KLHL1: variants seen among roughly 807,000 people sequenced by gnomAD.
KLHL1 encodes the protein kelch-like protein 1.
A neutral mutation model predicts 77.7 loss-of-function variants in KLHL1; 47 were observed. The ratio of observed to expected loss-of-function variants is 0.60; its 90% CI spans 0.48 to 0.77. The LOEUF is 0.77. KLHL1 is among the 30% of genes least tolerant of loss of function. The probability of loss-of-function intolerance (pLI) is 0.00; values close to 1 mark genes in which losing one functional copy is unlikely to be tolerated. For synonymous variants in KLHL1, 360 were observed against 325.2 expected (o/e 1.11, Z -1.15); for missense variants, 925 against 910.8 (o/e 1.02, Z -0.20).
At chr13:70,072,265 T>C (rs1887154731) in intron 1 of KLHL1, among the ~76,000 whole-genome samples, 1 of 152,136 alleles carries the variant, frequency 6.6e-6, no homozygotes, top group African/African-American at 2.4e-5. Flanking sequence ...TAAATATCTG[T>C]GTAGTTTTTA....
chr13:69,745,915 A>C (rs1388608446), intron 7 of KLHL1, among the ~76,000 whole-genome samples: 2 of 151,734 alleles, frequency 1.3e-5, no homozygotes, highest in African/African-American at 4.8e-5. Context: ...AATTTTTTAG[A>C]TAATTAATAT....
At chr13:69,771,237 A>G (rs1283272539) in intron 7 of KLHL1, among the ~76,000 whole-genome samples, 2 of 151,018 alleles carry the variant, frequency 1.3e-5, no homozygotes, top group Non-Finnish European at 2.9e-5. Context: ...TTCTCTCTCT[A>G]CAACCCATTG....
intron 1 of KLHL1, among the ~76,000 whole-genome samples, chr13:69,986,505 A>G (rs564955436): frequency 6.6e-6 from 1 of 152,172 alleles, no homozygotes; most frequent in Non-Finnish European, 1.5e-5. Context: ...CATCAAGTGA[A>G]TCTAACTCTA....
At chr13:70,061,196 A>G (rs1295521170) in intron 1 of KLHL1, among the ~76,000 whole-genome samples, 1 of 152,188 alleles carries the variant, frequency 6.6e-6, no homozygotes, top group Non-Finnish European at 1.5e-5. Flanking sequence ...CACAGTTTAC[A>G]GTGTAGAATT....
At chr13:70,104,056 A>G (rs1887989188) in intron 1 of KLHL1, among the ~76,000 whole-genome samples, 1 of 152,190 alleles carries the variant, frequency 6.6e-6, no homozygotes, top group Non-Finnish European at 1.5e-5. Flanking sequence ...ACATCACTAT[A>G]AAATGCAAGA....
At chr13:69,812,526 A>G (rs1239666622) in intron 6 of KLHL1, among the ~76,000 whole-genome samples, 1 of 152,196 alleles carries the variant, frequency 6.6e-6, no homozygotes. Flanking sequence ...CTACCATCAG[A>G]GTGAACAGCA....
intron 1 of KLHL1, among the ~76,000 whole-genome samples, chr13:70,002,444 G>C (rs2137327301): frequency 6.6e-6 from 1 of 151,586 alleles, no homozygotes; most frequent in South Asian, 2.1e-4. Flanking sequence ...TAAATGAACG[G>C]AGCCTCAAAA....
rs924033497 is a variant in KLHL1, at chr13:69,789,761, G to A, written c.1639+6977C>T. ...ACTTCTCCTTCCTCACCTTGAAAACGTAAGGCCAATAGTGTGCTTCCAACA... is the reference window on the plus strand; with the variant it reads ...ACTTCTCCTTCCTCACCTTGAAAACATAAGGCCAATAGTGTGCTTCCAACA... On this transcript the variant is annotated intron_variant, in intron 7 of 10. Transcript: ENST00000377844. Among the ~76,000 whole-genome samples the A allele has an allele frequency of 7.2e-5, 11 of 152,076 alleles. No homozygotes were observed. The East Asian group carries it at 1.7e-3, about 24-fold the overall frequency.
chr13:69,851,754 G>A (rs1301718319), intron 5 of KLHL1, among the ~76,000 whole-genome samples: 1 of 151,556 alleles, frequency 6.6e-6, no homozygotes, highest in Non-Finnish European at 1.5e-5. Flanking sequence ...AAGCTCCCAA[G>A]TTATCATTTA....
intron 1 of KLHL1, among the ~76,000 whole-genome samples, chr13:70,001,657 T>TTATCTACC (rs1555289486): frequency 3.4e-5 from 5 of 145,272 alleles, no homozygotes; most frequent in African/African-American, 1.3e-4. Flanking sequence ...TATCTATCTA[T>TTATCTACC]TATCTATCTA....
intron 1 of KLHL1, among the ~76,000 whole-genome samples, chr13:70,086,448 G>T (rs148049156): frequency 1.7e-3 from 251 of 151,230 alleles, no homozygotes; most frequent in African/African-American, 5.8e-3. Context: ...CCTGGCGGTG[G>T]TGGGCACCTG....
chr13:70,086,076 C>G (rs566301674), intron 1 of KLHL1, among the ~76,000 whole-genome samples: 3 of 152,104 alleles, frequency 2.0e-5, no homozygotes, highest in Admixed American at 2.0e-4. Flanking sequence ...TTACTATTCC[C>G]ATCTTATCTA....
At chr13:69,765,777 A>G (rs1875272513) in intron 7 of KLHL1, among the ~76,000 whole-genome samples, 1 of 152,198 alleles carries the variant, frequency 6.6e-6, no homozygotes, top group South Asian at 2.1e-4. Context: ...CCACCCAGGC[A>G]ATGCTACCCT....
rs185574804 is a variant in KLHL1, at chr13:69,824,196, G to T, written c.1414+14780C>A. Among the ~76,000 whole-genome samples the T allele has an allele frequency of 5.3e-5, 8 of 152,016 alleles. No homozygotes were observed. The East Asian group carries it at 1.4e-3, about 26-fold the overall frequency. ...CATCCTATAATTCTGGTATAGCAAA[G>T]AATGTTTCTATGTATAAAATTTCCC... On this transcript the variant is annotated intron_variant, in intron 6 of 10. Coordinates refer to ENST00000377844, the MANE Select transcript of KLHL1 (RefSeq NM_020866.3).
At chr13:70,002,419 G>GA (rs34687973) in intron 1 of KLHL1, among the ~76,000 whole-genome samples, 6 of 150,956 alleles carry the variant, frequency 4.0e-5, no homozygotes, top group African/African-American at 1.2e-4. Flanking sequence ...TAGGAAGGGA[G>GA]AAAAAAAATT....
chr13:69,709,995 AG>A (rs1875804977), intron 9 of KLHL1, among the ~76,000 whole-genome samples: 1 of 151,780 alleles, frequency 6.6e-6, no homozygotes, highest in African/African-American at 2.4e-5. Context: ...ATTATTATTC[AG>A]CTTTATAGAA....
intron 3 of KLHL1, 115 bp downstream of exon 3, chr13:69,961,193 C>T: frequency 1.1e-6 from 1 of 950,218 alleles, no homozygotes; most frequent in Non-Finnish European, 1.5e-6. Flanking sequence ...TAGTTTTCAA[C>T]TGAAAAGATA....
At chr13:69,939,901 T>C (rs934812142) in intron 4 of KLHL1, 139 bp downstream of exon 4, 7 of 561,734 alleles carry the variant, frequency 1.2e-5, no homozygotes, top group East Asian at 3.0e-5. Context: ...TGGTACGCTA[T>C]AGTTCATAAC....
chr13:69,967,569 G>A lies in KLHL1; in HGVS notation c.681-6125C>T, dbSNP rs956686288. Among the ~76,000 whole-genome samples the A allele has an allele frequency of 3.9e-5, 6 of 152,264 alleles. 1 individual carries two copies. Among genetic ancestry groups the A allele is most frequent in the Admixed American group, 1.3e-4 (2 of 15,280 alleles). ...TGGTGAAAATTCTGTGAAGATCATTGAAATGACAAGAAAGGATTTAGAATA... is the reference window on the plus strand; with the variant it reads ...TGGTGAAAATTCTGTGAAGATCATTAAAATGACAAGAAAGGATTTAGAATA... On this transcript the variant is annotated intron_variant, in intron 2 of 10. Transcript: ENST00000377844.
Sources: gnomAD v4.1 joint callset for allele counts (sites outside exome capture counted in the v4.1 genomes callset) on GRCh38, gnomAD v4.1.1 for gene constraint, MANE v1.5 for transcripts, NCBI Gene and HGNC (gene_info 2026-07-23, HGNC 2026-07-21) for gene names.